The following ZNF385D variants were observed in gnomAD, a reference collection of about 807,000 sequenced individuals.
ZNF385D encodes the protein zinc finger protein 659.
Under a neutral mutation model 35.8 loss-of-function variants are expected in ZNF385D, and 15 were observed. The observed-to-expected ratio is 0.42, with a 90% CI of 0.28 to 0.64. The LOEUF (loss-of-function observed/expected upper bound fraction) is 0.64. ZNF385D is among the 30% of genes least tolerant of loss of function. The pLI, the probability that ZNF385D is intolerant of heterozygous loss-of-function variation, is 0.23. For missense variants in ZNF385D, 474 were observed against 494.6 expected, an observed-to-expected ratio of 0.96 and a Z score of 0.39; for synonymous variants, 212 against 186.8, an observed-to-expected ratio of 1.13 and a Z score of -1.10.
At chr3:21,730,421 A>G (rs1475615838) in intron 1 of ZNF385D, among the ~76,000 whole-genome samples, 1 of 152,232 alleles carries the variant, frequency 6.6e-6, no homozygotes, top group African/African-American at 2.4e-5. Context: ...TACATTTATT[A>G]TCCTTGTAAA....
intron 3 of ZNF385D, among the ~76,000 whole-genome samples, chr3:22,059,605 C>A (rs1576240851): frequency 6.6e-6 from 1 of 152,128 alleles, no homozygotes; most frequent in Non-Finnish European, 1.5e-5. Context: ...GAAACATTCC[C>A]TTAAGACCCT....
intron 3 of ZNF385D, among the ~76,000 whole-genome samples, chr3:21,816,535 A>T (rs2073156657): frequency 6.6e-6 from 1 of 152,190 alleles, no homozygotes; most frequent in African/African-American, 2.4e-5. Flanking sequence ...ATGCACCAAT[A>T]ACAGACAGAG....
chr3:21,794,048 G>C (rs1159542185), intron 3 of ZNF385D, among the ~76,000 whole-genome samples: 1 of 152,160 alleles, frequency 6.6e-6, no homozygotes, highest in African/African-American at 2.4e-5. Flanking sequence ...GATATGGAGA[G>C]AGCACAAAGA....
In ZNF385D at chr3:22,012,788, ATTC is replaced by A. The variant is rs1486833389; in HGVS notation, c.325+156026_325+156028del. 2.6e-5 allele frequency among the ~76,000 whole-genome samples: 4 copies of A among 152,246 alleles called. No individual in the cohort carries two copies. The South Asian group carries it at 8.3e-4, about 32-fold the overall frequency. ...TTCTCCATAAGCTGCTTAGCACATAATTCTTAGGAACTGGTAATCAGCTCCTGT... is the reference window on the plus strand; with the variant it reads ...TTCTCCATAAGCTGCTTAGCACATAATTAGGAACTGGTAATCAGCTCCTGT... On this transcript the variant is annotated intron_variant, in intron 3 of 5. Transcript: ENST00000494108.
intron 3 of ZNF385D, among the ~76,000 whole-genome samples, chr3:22,096,554 T>C (rs1701644720): frequency 6.6e-6 from 1 of 152,078 alleles, no homozygotes; most frequent in East Asian, 1.9e-4. Flanking sequence ...CTTGAGACTT[T>C]CTTGCTCAAA....
chr3:22,345,707 A>G (rs752960868), intron 2 of ZNF385D, among the ~76,000 whole-genome samples: 1 of 152,202 alleles, frequency 6.6e-6, no homozygotes, highest in South Asian at 2.1e-4. Context: ...TCAGAACTAC[A>G]TGACTTCATC....
intron 4 of ZNF385D, among the ~76,000 whole-genome samples, chr3:21,447,664 A>C (rs1702224622): frequency 6.6e-6 from 1 of 152,192 alleles, no homozygotes; most frequent in East Asian, 1.9e-4. Flanking sequence ...GAATTATGAC[A>C]TGATAAATCA....
chr3:21,938,505 C>T (rs544133549), intron 3 of ZNF385D, among the ~76,000 whole-genome samples: 2 of 152,306 alleles, frequency 1.3e-5, no homozygotes, highest in East Asian at 3.9e-4. Flanking sequence ...ACAATGACTC[C>T]ACATATACTG....
chr3:21,873,387 C>A (rs1369920075), intron 3 of ZNF385D, among the ~76,000 whole-genome samples: 3 of 152,084 alleles, frequency 2.0e-5, no homozygotes, highest in Non-Finnish European at 4.4e-5. Context: ...GTGGCATAGC[C>A]ATGATATAGT....
chr3:21,858,106 G>T, intron 3 of ZNF385D, among the ~76,000 whole-genome samples: 1 of 150,918 alleles, frequency 6.6e-6, no homozygotes, highest in East Asian at 2.0e-4. Context: ...AGGTTGCAGT[G>T]GGCCAAGATG....
chr3:21,432,986 T>TA (rs58029691), intron 5 of ZNF385D, among the ~76,000 whole-genome samples: 1 of 151,496 alleles, frequency 6.6e-6, no homozygotes, highest in South Asian at 2.1e-4. Context: ...CATGACATAA[T>TA]TTGATCCTTA....
intron 3 of ZNF385D, among the ~76,000 whole-genome samples, chr3:21,879,727 G>T (rs1480541824): frequency 1.3e-5 from 2 of 152,012 alleles, no homozygotes; most frequent in Non-Finnish European, 2.9e-5. Context: ...ATTGAAAAGG[G>T]CACCAGAGAG....
intron 2 of ZNF385D, among the ~76,000 whole-genome samples, chr3:21,628,565 G>C (rs1203842858): frequency 6.6e-6 from 1 of 152,066 alleles, no homozygotes; most frequent in African/African-American, 2.4e-5. Flanking sequence ...TCCAGGTCTT[G>C]ATTTACTCCC....
intron 2 of ZNF385D, among the ~76,000 whole-genome samples, chr3:21,628,291 T>C (rs542820756): frequency 2.0e-5 from 3 of 152,102 alleles, no homozygotes; most frequent in Non-Finnish European, 2.9e-5. Flanking sequence ...CAAGCAACAA[T>C]CTTGCTTTTC....
intron 2 of ZNF385D, chr3:21,580,063 C>G (rs1005639545): frequency 6.6e-6 from 1 of 152,150 alleles, no homozygotes; most frequent in African/African-American, 2.4e-5. Flanking sequence ...TAAGAATCTA[C>G]TAATGACTGG....
rs372321285 is a variant in ZNF385D, at chr3:21,706,266, CT to C, written c.23-41239del. 3.3e-3 allele frequency among the ~76,000 whole-genome samples: 489 copies of C among 146,918 alleles called. 2 individuals carry two copies. The highest frequency in any genetic ancestry group is 6.5e-3 in the Admixed American group (95 of 14,720). ...AAATTTGTCCTTATCATGCAATCAG[CT>C]TTTTTTTTTTCCTAATAGCTTGATT... On this transcript the variant is annotated intron_variant, in intron 1 of 7. Transcript: ENST00000281523.
chr3:21,921,397 T>C (rs555332534), intron 3 of ZNF385D, among the ~76,000 whole-genome samples: 3 of 152,220 alleles, frequency 2.0e-5, no homozygotes, highest in South Asian at 2.1e-4. Flanking sequence ...GCCAAATGTA[T>C]TAAGAGGTAT....
At chr3:21,722,176 G>A (rs1423086601) in intron 1 of ZNF385D, among the ~76,000 whole-genome samples, 1 of 151,722 alleles carries the variant, frequency 6.6e-6, no homozygotes, top group Non-Finnish European at 1.5e-5. Flanking sequence ...AAGGGGACAA[G>A]TAAAGTAAGT....
intron 2 of ZNF385D, among the ~76,000 whole-genome samples, chr3:22,203,529 G>A (rs117421189): frequency 1.3e-5 from 2 of 152,242 alleles, no homozygotes; most frequent in East Asian, 3.9e-4. Context: ...CAGCCACAAG[G>A]ATAGAGTATC....
Sources: gnomAD v4.1 joint callset for allele counts (sites outside exome capture counted in the v4.1 genomes callset) on GRCh38, gnomAD v4.1.1 for gene constraint, MANE v1.5 for transcripts, NCBI Gene and HGNC (gene_info 2026-07-23, HGNC 2026-07-21) for gene names.